TIAM2: variants seen among roughly 807,000 people sequenced by gnomAD.
TIAM2 encodes the protein rho guanine nucleotide exchange factor TIAM2.
TIAM2 carries 80 observed loss-of-function variants against 152.9 expected under a neutral mutation model. The ratio of observed to expected loss-of-function variants is 0.52; its 90% CI spans 0.44 to 0.63. The LOEUF (loss-of-function observed/expected upper bound fraction) is 0.63, where lower values mean the gene tolerates loss of function less well. Among genes scored for constraint, TIAM2 ranks in the 30% least tolerant of loss-of-function variants. The pLI, the probability that TIAM2 is intolerant of heterozygous loss-of-function variation, is 0.00. For missense variants in TIAM2, 1,965 were observed against 2,120.1 expected, an observed-to-expected ratio of 0.93 and a Z score of 1.44; for synonymous variants, 804 against 838.0, an observed-to-expected ratio of 0.96 and a Z score of 0.70.
chr6:155,017,129 C>G (rs539825714), intron 1 of TIAM2, among the ~76,000 whole-genome samples: 60 of 152,164 alleles, frequency 3.9e-4, no homozygotes, highest in African/African-American at 1.4e-3. Flanking sequence ...CCTTGCCCAC[C>G]GCATTCGGTG....
At position 155,156,277 on chromosome 6, in the gene TIAM2, C is replaced by T. The variant is rs929115743; in HGVS notation, c.2028+7943C>T. ...AAGTAGGACTGTCTGTCACTCTCTC[C>T]TCCCGGTACCACTGCAGAAGCCTCC... On this transcript the variant is annotated intron_variant, in intron 7 of 26. Transcript: ENST00000682666. The surrounding 1 kb of genome is among the most constrained non-coding windows in gnomAD (Gnocchi z 4.4). Among the ~76,000 whole-genome samples the T allele has an allele frequency of 6.6e-6, 1 of 152,112 alleles. No homozygotes were observed. Among genetic ancestry groups the T allele is most frequent in the Non-Finnish European group, 1.5e-5 (1 of 68,034 alleles).
intron 1 of TIAM2, among the ~76,000 whole-genome samples, chr6:155,039,996 T>C (rs1459244214): frequency 6.6e-6 from 1 of 152,208 alleles, no homozygotes; most frequent in African/African-American, 2.4e-5. Context: ...TTGGCAATAA[T>C]TTGTACTGTA....
chr6:155,006,657 G>T (rs1778406819), intron 1 of TIAM2, among the ~76,000 whole-genome samples: 1 of 140,654 alleles, frequency 7.1e-6, no homozygotes, highest in Non-Finnish European at 1.5e-5. Flanking sequence ...CATTTTTAGA[G>T]ACTGTCTCCC....
intron 14 of TIAM2, 125 bp downstream of exon 14, chr6:155,183,625 AG>A: frequency 4.2e-6 from 5 of 1,181,966 alleles, no homozygotes; most frequent in Non-Finnish European, 5.7e-6. Flanking sequence ...ATTTATTAGA[AG>A]AACACAGATG....
Position 155,218,951 on chromosome 6 carries a change from G to A in TIAM2, c.3168+7644G>A, listed in dbSNP as rs893866279. On this transcript the variant is annotated intron_variant, in intron 15 of 26. Coordinates refer to ENST00000682666, the MANE Select transcript of TIAM2 (RefSeq NM_012454.4). This position sits in a 1 kb window ranked among gnomAD's most constrained non-coding sequence, Gnocchi z 4.5. Reference sequence around the variant, plus strand: ...TCTTGACCATCTCAGCCGCCCACCCGTGTTCTTGACCATCTCAGCCGCCCA... The same window carrying A: ...TCTTGACCATCTCAGCCGCCCACCCATGTTCTTGACCATCTCAGCCGCCCA... 6.9e-6 allele frequency among the ~76,000 whole-genome samples: 1 copy of A among 144,486 alleles called. No homozygotes were observed. Among genetic ancestry groups the A allele is most frequent in the Non-Finnish European group, 1.5e-5 (1 of 66,302 alleles). The allele number at this position is 144,486 out of a possible 152,430, so 94.8% of individuals were successfully genotyped here.
intron 2 of TIAM2, among the ~76,000 whole-genome samples, chr6:155,104,563 C>T (rs1017414393): frequency 1.3e-5 from 2 of 152,090 alleles, no homozygotes; most frequent in South Asian, 2.1e-4. Flanking sequence ...CGAGACCATC[C>T]TGGCTAACAC....
chr6:155,129,764 G>GCAGTCCTCT lies in TIAM2; in HGVS notation c.541_542insCAGTCCTCT (p.Gly181delinsAlaValLeuCys). ...TTTAAGGGTCGAGTTCCACAATGGT[G>GCAGTCCTCT]GCAACCCCAGCAAAGTGCCTGCAGA... On this transcript the variant is annotated protein_altering_variant, in exon 4 of 27. Coordinates refer to ENST00000682666, the MANE Select transcript of TIAM2 (RefSeq NM_012454.4). The surrounding 1 kb of genome is among the most constrained non-coding windows in gnomAD (Gnocchi z 4.8). The GCAGTCCTCT allele has an allele frequency of 1.2e-6, 2 of 1,613,836 alleles. No homozygotes were observed. The highest frequency in any genetic ancestry group is 1.7e-6 in the Non-Finnish European group (2 of 1,180,028).
At chr6:155,146,223 A>G (rs547287579) in intron 6 of TIAM2, among the ~76,000 whole-genome samples, 2 of 152,214 alleles carry the variant, frequency 1.3e-5, no homozygotes, top group East Asian at 3.9e-4. Context: ...CGAAAGAACA[A>G]TAAAAAAATT....
chr6:155,012,219 C>T (rs574337161), intron 1 of TIAM2, among the ~76,000 whole-genome samples: 45 of 152,208 alleles, frequency 3.0e-4, no homozygotes, highest in Non-Finnish European at 5.9e-4. Context: ...CCACCCCTTG[C>T]GTTGTCATAT....
chr6:155,176,728 C>G, intron 9 of TIAM2, 88 bp from the exon 10 acceptor site: 2 of 1,419,568 alleles, frequency 1.4e-6, no homozygotes, highest in Non-Finnish European at 1.9e-6. Context: ...ACTCTAAATA[C>G]TCCGTAAATG....
intron 1 of TIAM2, among the ~76,000 whole-genome samples, chr6:155,072,740 C>T (rs545492467): frequency 6.6e-6 from 1 of 152,156 alleles, no homozygotes; most frequent in African/African-American, 2.4e-5. Context: ...ATTGAAGACA[C>T]AGAGATGAGG....
intron 1 of TIAM2, among the ~76,000 whole-genome samples, chr6:155,029,497 T>TA (rs1209332280): frequency 1.6e-4 from 4 of 24,442 alleles, no homozygotes; most frequent in Non-Finnish European, 2.9e-4. Flanking sequence ...ATAGTATATA[T>TA]TATATATAAT....
At chr6:155,123,856 A>G (rs976448794) in intron 2 of TIAM2, among the ~76,000 whole-genome samples, 1 of 152,194 alleles carries the variant, frequency 6.6e-6, no homozygotes, top group African/African-American at 2.4e-5. Context: ...AAGGAAACAA[A>G]TGAAGGCTCA....
intron 2 of TIAM2, among the ~76,000 whole-genome samples, chr6:155,098,982 G>C (rs759701727): frequency 1.1e-4 from 16 of 152,294 alleles, no homozygotes; most frequent in South Asian, 6.2e-4. Context: ...CAGGTCAGGA[G>C]TTTGAGACCA....
At chr6:155,244,636 T>C in intron 17 of TIAM2, 22 bp from the exon 18 acceptor site, 6 of 1,612,424 alleles carry the variant, frequency 3.7e-6, no homozygotes, top group Non-Finnish European at 5.1e-6. Flanking sequence ...TCCCCTCATT[T>C]CAAATCCTGA....
Position 155,183,244 on chromosome 6 carries a change from A to G in TIAM2, c.2808A>G (p.Arg936=), listed in dbSNP as rs371255355. Residue 936 remains arginine (R), a synonymous_variant, in exon 14 of 27, where the codon AGA becomes AGG. Transcript: ENST00000682666. ...PDGLAYGEGL[R]KGNEIMTLNG... is the part of the protein sequence containing the mutation. Reference sequence around the variant, plus strand: ...CTCCTTCCTTTTTCTCAGGGCTGAGAAAGGGCAATGAGATCATGACCTTAA... The same window carrying G: ...CTCCTTCCTTTTTCTCAGGGCTGAGGAAGGGCAATGAGATCATGACCTTAA... The G allele has an allele frequency of 8.7e-6, 14 of 1,612,724 alleles. No individual in the cohort carries two copies. The African/African-American group carries it at 1.9e-4, about 22-fold the overall frequency.
In TIAM2 at chr6:155,127,608, C is replaced by T. The variant is rs1779327180; in HGVS notation, c.-7+8C>T. On this transcript the variant is annotated splice_region_variant and intron_variant, in intron 3 of 26. Coordinates refer to ENST00000682666, the MANE Select transcript of TIAM2 (RefSeq NM_012454.4). ...GCAGAAACTAGACGTCAGGTAAACC[C>T]AACCCTTGTGCCTGGGGGTCACGTC... 2.2e-6 allele frequency: 1 copy of T among 455,994 alleles called. No individual in the cohort carries two copies. The highest frequency in any genetic ancestry group is 3.3e-4 in the Middle Eastern group (1 of 3,070). The allele number at this position is 455,994 out of a possible 1,614,324, so 28.2% of individuals were successfully genotyped here. A position where few individuals can be genotyped will look rare whatever the true frequency, so the allele number is the denominator to read the frequency against.
intron 14 of TIAM2, among the ~76,000 whole-genome samples, chr6:155,200,910 A>G (rs1424945342): frequency 6.6e-6 from 1 of 152,094 alleles, no homozygotes; most frequent in Non-Finnish European, 1.5e-5. Flanking sequence ...TCAAAAATAA[A>G]ATAAAATAAA....
At chr6:155,222,622 A>C (rs1782093271) in intron 15 of TIAM2, among the ~76,000 whole-genome samples, 1 of 84,986 alleles carries the variant, frequency 1.2e-5, no homozygotes, top group Non-Finnish European at 2.6e-5. Context: ...ACAAACAAAA[A>C]AAAAAAACAC....
Sources: allele counts gnomAD v4.1 joint callset (sites outside exome capture counted in the v4.1 genomes callset), GRCh38; gene constraint gnomAD v4.1.1; non-coding constraint Gnocchi (gnomAD v3.1); transcripts MANE v1.5; gene names NCBI Gene and HGNC (gene_info 2026-07-23, HGNC 2026-07-21).